RBFOX1: variants seen among roughly 807,000 people sequenced by gnomAD.
RBFOX1 encodes the protein RNA binding fox-1 homolog 1.
In RBFOX1, 8 loss-of-function variants were observed where a neutral mutation model predicts 57.7. That is an observed-to-expected ratio of 0.14 (90% confidence interval 0.08 to 0.25). RBFOX1 has a LOEUF of 0.25. RBFOX1 is among the 10% of genes least tolerant of loss of function. The pLI is 1.00. For synonymous variants in RBFOX1, 326 were observed against 222.4 expected (o/e 1.47, Z -4.15); for missense variants, 611 against 548.5 (o/e 1.11, Z -1.14).
intron 3 of RBFOX1, among the ~76,000 whole-genome samples, chr16:5,683,195 C>T (rs1285796215): frequency 2.0e-5 from 3 of 152,084 alleles, no homozygotes; most frequent in African/African-American, 7.2e-5. Flanking sequence ...CCAAGTCTCT[C>T]AACCTTAGAT....
At chr16:7,423,863 C>A (rs535378420) in intron 4 of RBFOX1, among the ~76,000 whole-genome samples, 2 of 152,292 alleles carry the variant, frequency 1.3e-5, no homozygotes, top group South Asian at 4.1e-4. Flanking sequence ...TGGCGCCATG[C>A]ATTATGCACA....
chr16:7,375,273 G>T (rs1596805006), intron 4 of RBFOX1, among the ~76,000 whole-genome samples: 1 of 152,150 alleles, frequency 6.6e-6, no homozygotes, highest in Admixed American at 6.5e-5. Flanking sequence ...AGGACAGCCT[G>T]ATTCCAAAAC....
intron 3 of RBFOX1, among the ~76,000 whole-genome samples, chr16:6,941,307 CTT>C (rs2078451758): frequency 6.9e-5 from 3 of 43,470 alleles, no homozygotes; most frequent in African/African-American, 2.0e-4. Flanking sequence ...TCCCTCCTTC[CTT>C]CCTTCCTTCC....
chr16:5,722,969 C>G (rs916328822), intron 3 of RBFOX1, among the ~76,000 whole-genome samples: 1 of 152,158 alleles, frequency 6.6e-6, no homozygotes, highest in Non-Finnish European at 1.5e-5. Flanking sequence ...GGCAGAGGCC[C>G]TATTTGTCCA....
At chr16:7,046,829 C>T (rs1290935543) in intron 3 of RBFOX1, among the ~76,000 whole-genome samples, 1 of 151,934 alleles carries the variant, frequency 6.6e-6, no homozygotes, top group Admixed American at 6.6e-5. Flanking sequence ...TGGTCTTGAA[C>T]TCCTAACCTC....
chr16:6,045,092 C>G (rs116533977), intron 1 of RBFOX1, among the ~76,000 whole-genome samples: 4 of 152,292 alleles, frequency 2.6e-5, no homozygotes, highest in Middle Eastern at 3.4e-3. Flanking sequence ...TTCAGACCAA[C>G]GGAACTAAAG....
chr16:5,405,631 A>C (rs1313341009), intron 1 of RBFOX1, among the ~76,000 whole-genome samples: 1 of 152,268 alleles, frequency 6.6e-6, no homozygotes, highest in Non-Finnish European at 1.5e-5. Context: ...AAATGAGTTC[A>C]TGAATAAATC....
intron 2 of RBFOX1, among the ~76,000 whole-genome samples, chr16:5,529,202 C>T (rs887041193): frequency 1.8e-4 from 27 of 152,050 alleles, no homozygotes; most frequent in African/African-American, 6.3e-4. Flanking sequence ...TGGGAATGAT[C>T]ATTATTTACC....
intron 3 of RBFOX1, among the ~76,000 whole-genome samples, chr16:6,841,239 C>A (rs1446512336): frequency 2.6e-5 from 4 of 152,090 alleles, no homozygotes; most frequent in Admixed American, 2.0e-4. Flanking sequence ...GTCAGTTATC[C>A]TGCCCATTAT....
rs887896642 is a variant in RBFOX1 at position 5,467,297 on chromosome 16, T to C, written c.258+43T>C. 9.7e-6 allele frequency: 14 copies of C among 1,450,538 alleles called. No homozygotes were observed. The African/African-American group carries it at 1.7e-4, about 18-fold the overall frequency. The allele number at this position is 1,450,538 out of a possible 1,614,324, so 89.9% of individuals were successfully genotyped here. On this transcript the variant is annotated intron_variant, in intron 2 of 2. Transcript: ENST00000585867. ...CCTGACTTAGGATGTCTGTGAAGTC[T>C]AGTGGAAATGAAAGCAATAGAAAAA... is the stretch of plus-strand genomic sequence containing the variant.
Position 5,947,318 on chromosome 16 carries a change from C to G in RBFOX1, c.351+79983C>G, listed in dbSNP as rs568330311. Among the ~76,000 whole-genome samples the G allele has an allele frequency of 1.3e-5, 2 of 152,270 alleles. No homozygotes were observed. The highest frequency in any genetic ancestry group is 4.1e-4 in the South Asian group (2 of 4,830). On this transcript the variant is annotated intron_variant, in intron 4 of 19. Coordinates refer to the RBFOX1 transcript ENST00000641259. The surrounding 1 kb of genome is among the most constrained non-coding windows in gnomAD (Gnocchi z 7.2). ...TCAGAGGGGGAGGTCAGATCGCCAT[C>G]GAATGGACACCTCTTTTTACAACCA...
intron 3 of RBFOX1, among the ~76,000 whole-genome samples, chr16:5,610,090 C>T (rs971846407): frequency 8.5e-5 from 13 of 152,268 alleles, no homozygotes; most frequent in African/African-American, 2.4e-4. Context: ...ACTTACTTGC[C>T]GGCTTGCTGT....
chr16:7,208,238 A>T (rs754276979), intron 4 of RBFOX1, among the ~76,000 whole-genome samples: 1 of 152,196 alleles, frequency 6.6e-6, no homozygotes, highest in African/African-American at 2.4e-5. Context: ...CCCTCCACCA[A>T]TTCATATGTT....
chr16:6,731,568 A>G (rs1214436056), intron 3 of RBFOX1, among the ~76,000 whole-genome samples: 1 of 152,108 alleles, frequency 6.6e-6, no homozygotes, highest in Non-Finnish European at 1.5e-5. Flanking sequence ...GGAGACCAGA[A>G]TTGTGAGGCA....
chr16:7,371,042 G>C (rs1427386493), intron 4 of RBFOX1, among the ~76,000 whole-genome samples: 2 of 152,154 alleles, frequency 1.3e-5, no homozygotes, highest in Non-Finnish European at 2.9e-5. Flanking sequence ...TGACTTGCCT[G>C]TATTTTGTTC....
intron 3 of RBFOX1, among the ~76,000 whole-genome samples, chr16:6,854,587 ATTT>A (rs71147611): frequency 4.1e-4 from 29 of 70,628 alleles, no homozygotes; most frequent in African/African-American, 1.5e-3. Context: ...GGAGAGGTGA[ATTT>A]TTTTTTTTTT....
intron 4 of RBFOX1, among the ~76,000 whole-genome samples, chr16:7,428,601 C>A (rs1279725348): frequency 6.6e-6 from 1 of 150,536 alleles, no homozygotes; most frequent in Non-Finnish European, 1.5e-5. Flanking sequence ...AAACTCCTGA[C>A]CTCAGGTGAT....
At chr16:5,850,382 C>T (rs1030778444) in intron 3 of RBFOX1, among the ~76,000 whole-genome samples, 3 of 152,114 alleles carry the variant, frequency 2.0e-5, no homozygotes, top group African/African-American at 7.2e-5. Flanking sequence ...ACATGTCCTT[C>T]GAACCAGTAA....
chr16:5,718,719 C>T (rs552416536), intron 3 of RBFOX1, among the ~76,000 whole-genome samples: 12 of 152,154 alleles, frequency 7.9e-5, no homozygotes, highest in Admixed American at 3.3e-4. Context: ...CCAGCCTGGC[C>T]GACATGGTGG....
Sources: gnomAD v4.1 joint callset for allele counts (sites outside exome capture counted in the v4.1 genomes callset) on GRCh38, gnomAD v4.1.1 for gene constraint, Gnocchi (gnomAD v3.1) non-coding constraint, MANE v1.5 for transcripts, NCBI Gene and HGNC (gene_info 2026-07-23, HGNC 2026-07-21) for gene names.